Variants in ESYT1 observed in about 807,000 individuals in gnomAD.
ESYT1 encodes extended synaptotagmin 1, also known as extended synaptotagmin-1.
ESYT1 carries 116 observed loss-of-function variants against 154.2 expected under a neutral mutation model. That is an observed-to-expected ratio of 0.75 (90% CI 0.65 to 0.88). The LOEUF (loss-of-function observed/expected upper bound fraction) is 0.88, where lower values mean the gene tolerates loss of function less well. ESYT1 is among the 40% of genes least tolerant of loss of function. The pLI is 0.00. For synonymous variants in ESYT1, 500 were observed against 539.9 expected (o/e 0.93, Z 1.02); for missense variants, 1,264 against 1,379.3 (o/e 0.92, Z 1.32).
At chr12:56,139,363 C>T (rs1193249150) in intron 24 of ESYT1, among the ~76,000 whole-genome samples, 3 of 152,092 alleles carry the variant, frequency 2.0e-5, no homozygotes, top group East Asian at 3.9e-4. Flanking sequence ...CCGCCCACCT[C>T]GGCCTCCCAA....
chr12:56,130,764 C>T, intron 2 of ESYT1, 27 bp from the exon 3 acceptor site: 1 of 1,613,608 alleles, frequency 6.2e-7, no homozygotes, highest in Non-Finnish European at 8.5e-7. Context: ...ACTGGACTCT[C>T]CTCTGACCAT....
At position 56,143,899 on chromosome 12, in the gene ESYT1, T is replaced by A; in HGVS notation, c.*37T>A. ...TCCCAGCCTGACTGCTCTGTCTTCC[T>A]GCCTTCGTCTCGCTCCATCACCGCC... On this transcript the variant is annotated 3_prime_UTR_variant, in exon 31 of 31. Transcript: ENST00000394048. The A allele has an allele frequency of 6.2e-7, 1 of 1,613,268 alleles. No individual in the cohort carries two copies. Among genetic ancestry groups the A allele is most frequent in the Non-Finnish European group, 8.5e-7 (1 of 1,179,854 alleles).
At position 56,137,518 on chromosome 12, in the gene ESYT1, T is replaced by C. The variant is rs749313112; in HGVS notation, c.1958T>C (p.Val653Ala). Residue 653 changes from valine (V) to alanine (A), a missense_variant, in exon 18 of 31, where the codon GTA (valine) becomes GCA (alanine). Val to Ala is a moderately conservative substitution (Grantham distance 64, BLOSUM62 0). Transcript: ENST00000394048. ...FGTEHVLRIH[V>A]LEAQDLIAKD... ...TTGCAGCATGTGCTTCGGATCCATGTATTAGAGGCCCAGGACCTGATTGCC... is the reference window on the plus strand; with the variant it reads ...TTGCAGCATGTGCTTCGGATCCATGCATTAGAGGCCCAGGACCTGATTGCC... 1 of 1,613,688 alleles carries C rather than the reference T, an allele frequency of 6.2e-7. No individual in the cohort carries two copies. Among genetic ancestry groups the C allele is most frequent in the Admixed American group, 1.7e-5 (1 of 59,990 alleles).
intron 15 of ESYT1, among the ~76,000 whole-genome samples, chr12:56,136,060 CA>C (rs72370981): frequency 0.05 from 2,286 of 45,766 alleles, 16 homozygotes; most frequent in African/African-American, 0.16. Context: ...ACTCTGTCTC[CA>C]AAAAAAAAAA....
In ESYT1 at chr12:56,134,391, TC is replaced by T; in HGVS notation, c.1597del (p.Leu533TyrfsTer13). The T allele has an allele frequency of 6.2e-7, 1 of 1,614,126 alleles. No homozygotes were observed. Among genetic ancestry groups the T allele is most frequent in the Non-Finnish European group, 8.5e-7 (1 of 1,180,022 alleles). On this transcript the variant is annotated frameshift_variant, in exon 15 of 31. Coordinates refer to ENST00000394048, the MANE Select transcript of ESYT1 (RefSeq NM_015292.3). LOFTEE classifies it high-confidence loss of function. ...GTGTGGGAGGAAGCGTTCCGGTTCT[TC>T]CTACAAGACCCTCAAAGCCAGGAGC... is the stretch of plus-strand genomic sequence containing the variant. The part of the protein sequence containing the change: ...CPVWEEAFRF[F>X]LQDPQSQELD...
chr12:56,134,992 T>C lies in ESYT1; in HGVS notation c.1632+564T>C, dbSNP rs377609495. Among the ~76,000 whole-genome samples the C allele has an allele frequency of 1.6e-4, 24 of 152,276 alleles. No homozygotes were observed. In the East Asian group the frequency reaches 2.5e-3, roughly 16 times the overall value. On this transcript the variant is annotated intron_variant, in intron 15 of 30. Coordinates refer to ENST00000394048, the MANE Select transcript of ESYT1 (RefSeq NM_015292.3). ...AGCATTGTGAAAGCAGATGCTATGT[T>C]TCGTGCTTTCTCCATGACCTTTAAA...
intron 30 of ESYT1, 76 bp from the exon 31 acceptor site, chr12:56,143,747 A>G: frequency 6.2e-7 from 1 of 1,610,924 alleles, no homozygotes; most frequent in Non-Finnish European, 8.5e-7. Flanking sequence ...TCAAGTAGAG[A>G]AGCCCTTGGA....
chr12:56,138,046 C>G lies in ESYT1; in HGVS notation c.2219C>G (p.Thr740Arg), dbSNP rs764229081. Residue 740 changes from threonine (T) to arginine (R), a missense_variant, in exon 20 of 31, where the codon ACA becomes AGA. By Grantham distance (71) the Thr-to-Arg change is moderately conservative. Coordinates refer to ENST00000394048, the MANE Select transcript of ESYT1 (RefSeq NM_015292.3). ...AACAGGTGTAAAGTGCGTCTCACCACAGTCTTAAACAGTGGCTTCCTTGAT... is the reference window on the plus strand; with the variant it reads ...AACAGGTGTAAAGTGCGTCTCACCAGAGTCTTAAACAGTGGCTTCCTTGAT... ...FLGRCKVRLTTVLNSGFLDEW... is the reference protein window; with the variant it reads ...FLGRCKVRLTRVLNSGFLDEW... The G allele has an allele frequency of 6.2e-7, 1 of 1,614,204 alleles. No homozygotes were observed. Among genetic ancestry groups the G allele is most frequent in the South Asian group, 1.1e-5 (1 of 91,084 alleles).
chr12:56,141,723 G>A (rs576296584), intron 24 of ESYT1, among the ~76,000 whole-genome samples: 1 of 152,044 alleles, frequency 6.6e-6, no homozygotes, highest in Non-Finnish European at 1.5e-5. Context: ...CTGGGCAACA[G>A]AGCGAGACTC....
At position 56,137,591 on chromosome 12, in the gene ESYT1, T is replaced by G. The variant is rs368694162; in HGVS notation, c.2031T>G (p.Tyr677Ter). 3 of 1,614,048 alleles carry G rather than the reference T, an allele frequency of 1.9e-6. No individual in the cohort carries two copies. The highest frequency in any genetic ancestry group is 2.5e-6 in the Non-Finnish European group (3 of 1,180,028). ...GGLVKGKSDPYVKLKLAGRSF... is the reference protein window; with the variant it reads ...GGLVKGKSDP ...TGGTGAAGGGCAAGTCAGACCCCTA[T>G]GTCAAACTAAAGTTGGCAGGACGAA... Residue 677 changes from tyrosine (Y) to a stop codon, truncating the protein, a stop_gained, in exon 18 of 31, where the codon TAT becomes TAG. Coordinates refer to ENST00000394048, the MANE Select transcript of ESYT1 (RefSeq NM_015292.3). LOFTEE classifies it high-confidence loss of function.
Position 56,132,196 on chromosome 12 carries a change from C to A in ESYT1, c.861-13C>A. On this transcript the variant is annotated splice_polypyrimidine_tract_variant and intron_variant, in intron 7 of 30. Coordinates refer to ENST00000394048, the MANE Select transcript of ESYT1 (RefSeq NM_015292.3). ...TTGAGGCCATACCCACTCCTTTCTA[C>A]TCCCCCATTCAGCTCACTCTCTGAC... 1 of 1,614,010 alleles carries A rather than the reference C, an allele frequency of 6.2e-7. No homozygotes were observed. The highest frequency in any genetic ancestry group is 8.5e-7 in the Non-Finnish European group (1 of 1,180,024).
At position 56,143,785 on chromosome 12, in the gene ESYT1, A is replaced by G. The variant is rs373577781; in HGVS notation, c.3276-38A>G. On this transcript the variant is annotated intron_variant, in intron 30 of 30. Coordinates refer to ENST00000394048, the MANE Select transcript of ESYT1 (RefSeq NM_015292.3). ...GTGTCTCATTTATAAATATGATGAC[A>G]CAAGAGTCATCTTTCTACATGAGCC... 157 of 1,613,614 alleles carry G rather than the reference A, an allele frequency of 9.7e-5. 1 individual carries two copies. The Middle Eastern group carries it at 1.8e-3, about 19-fold the overall frequency.
chr12:56,141,774 G>A (rs1174775461), intron 24 of ESYT1, among the ~76,000 whole-genome samples: 2 of 151,588 alleles, frequency 1.3e-5, no homozygotes, highest in Admixed American at 1.3e-4. Context: ...AAGTTTATGA[G>A]GTAAAGATGG....
Position 56,143,886 on chromosome 12 carries a change from T to C in ESYT1, c.*24T>C. On this transcript the variant is annotated 3_prime_UTR_variant, in exon 31 of 31. Transcript: ENST00000394048. Reference sequence around the variant, plus strand: ...AGGAGCTGGCGAGTCCCAGCCTGACTGCTCTGTCTTCCTGCCTTCGTCTCG... The same window carrying C: ...AGGAGCTGGCGAGTCCCAGCCTGACCGCTCTGTCTTCCTGCCTTCGTCTCG... 6.2e-7 allele frequency: 1 copy of C among 1,613,718 alleles called. No homozygotes were observed. The highest frequency in any genetic ancestry group is 8.5e-7 in the Non-Finnish European group (1 of 1,179,874).
chr12:56,140,200 G>A (rs1030515659), intron 24 of ESYT1, among the ~76,000 whole-genome samples: 1 of 151,932 alleles, frequency 6.6e-6, no homozygotes, highest in African/African-American at 2.4e-5. Flanking sequence ...TTCGGACCAC[G>A]AAAAGAAGAG....
In ESYT1 at chr12:56,133,483, G is replaced by A; in HGVS notation, c.1293+18G>A. On this transcript the variant is annotated intron_variant, in intron 11 of 30. Coordinates refer to ENST00000394048, the MANE Select transcript of ESYT1 (RefSeq NM_015292.3). Reference sequence around the variant, plus strand: ...TGGATGATGTAAGTTGGGAGAAGAGGAAGGTGGGGGCTGATCTCACCCTTT... The same window carrying A: ...TGGATGATGTAAGTTGGGAGAAGAGAAAGGTGGGGGCTGATCTCACCCTTT... 6.2e-7 allele frequency: 1 copy of A among 1,614,236 alleles called. No homozygotes were observed. The highest frequency in any genetic ancestry group is 8.5e-7 in the Non-Finnish European group (1 of 1,180,038).
rs774613823 is a variant in ESYT1 at position 56,143,889 on chromosome 12, T to C, written c.*27T>C. On this transcript the variant is annotated 3_prime_UTR_variant, in exon 31 of 31. Transcript: ENST00000394048. ...AGCTGGCGAGTCCCAGCCTGACTGC[T>C]CTGTCTTCCTGCCTTCGTCTCGCTC... 3.7e-5 allele frequency: 59 copies of C among 1,613,464 alleles called. No individual in the cohort carries two copies. Among genetic ancestry groups the C allele is most frequent in the Admixed American group, 5.0e-5 (3 of 59,990 alleles).
At position 56,138,091 on chromosome 12, in the gene ESYT1, A is replaced by T. The variant is rs1284157495; in HGVS notation, c.2247+17A>T. 1 of 1,614,124 alleles carries T rather than the reference A, an allele frequency of 6.2e-7. No individual in the cohort carries two copies. The highest frequency in any genetic ancestry group is 1.1e-5 in the South Asian group (1 of 91,084). ...CTTGATGAGGTGAGCATTGAATTAG[A>T]GTCAACAACCCCTCCTGATCCTGCC... On this transcript the variant is annotated intron_variant, in intron 20 of 30. Coordinates refer to ENST00000394048, the MANE Select transcript of ESYT1 (RefSeq NM_015292.3).
chr12:56,142,875 C>G lies in ESYT1; in HGVS notation c.2929C>G (p.Leu977Val), dbSNP rs1870764886. The change falls in exon 27 of 31, where the codon CTG (leucine) becomes GTG (valine). Residue 977 changes from leucine to valine, a missense_variant. Physicochemically the swap from Leu to Val is conservative, Grantham distance 32. Transcript: ENST00000394048. The surrounding 1 kb of genome is among the most constrained non-coding windows in gnomAD (Gnocchi z 4.1). The part of the protein sequence containing the change: ...APAGPLGQVK[L>V]TLWYYSEERK... ...AGCCGGGCCTCTGGGCCAGGTGAAA[C>G]TGACTCTGTGGTACTACAGTGAAGA... 3.7e-6 allele frequency: 6 copies of G among 1,614,126 alleles called. No individual in the cohort carries two copies. The highest frequency in any genetic ancestry group is 5.1e-6 in the Non-Finnish European group (6 of 1,180,052).
Sources: gnomAD v4.1 joint callset for allele counts (sites outside exome capture counted in the v4.1 genomes callset) on GRCh38, gnomAD v4.1.1 for gene constraint, Gnocchi (gnomAD v3.1) non-coding constraint, MANE v1.5 for transcripts, NCBI Gene and HGNC (gene_info 2026-07-23, HGNC 2026-07-21) for gene names.